Variants in EPHA6 observed in about 807,000 individuals in gnomAD.
EPHA6 encodes the protein ephrin type-A receptor 6.
EPHA6 carries 50 observed loss-of-function variants against 112.0 expected under a neutral mutation model. That is an observed-to-expected ratio of 0.45 (90% CI 0.36 to 0.56). EPHA6 has a LOEUF of 0.56. Among genes scored for constraint, EPHA6 ranks in the 20% least tolerant of loss-of-function variants. The pLI is 0.00. For synonymous variants in EPHA6, 529 were observed against 490.7 expected, an observed-to-expected ratio of 1.08 and a Z score of -1.03; for missense variants, 1,280 against 1,417.4, an observed-to-expected ratio of 0.90 and a Z score of 1.56.
At chr3:97,238,259 A>G (rs1163307995) in intron 4 of EPHA6, among the ~76,000 whole-genome samples, 1 of 151,940 alleles carries the variant, frequency 6.6e-6, no homozygotes, top group African/African-American at 2.4e-5. Flanking sequence ...ATCAGTGTTC[A>G]TAATATAAAC....
chr3:97,380,131 A>G (rs1418283307), intron 5 of EPHA6, among the ~76,000 whole-genome samples: 1 of 152,132 alleles, frequency 6.6e-6, no homozygotes, highest in Non-Finnish European at 1.5e-5. Flanking sequence ...GACCTTTAAT[A>G]CCTGATCTGT....
chr3:97,419,306 AAAACAAACAAAC>A (rs201122919), intron 6 of EPHA6, among the ~76,000 whole-genome samples: 5 of 151,458 alleles, frequency 3.3e-5, no homozygotes, highest in South Asian at 2.1e-4. Flanking sequence ...TCCATCACAA[AAAACAAACAAAC>A]AAACAAACAA....
At chr3:97,388,434 C>T (rs565694239) in intron 5 of EPHA6, among the ~76,000 whole-genome samples, 10 of 151,626 alleles carry the variant, frequency 6.6e-5, no homozygotes, top group Non-Finnish European at 8.8e-5. Context: ...AAATGGGACT[C>T]GAGGAGGGAG....
Position 97,532,591 on chromosome 3 carries a change from T to C in EPHA6, c.2386+48T>C, listed in dbSNP as rs199827214. The C allele has an allele frequency of 8.0e-5, 114 of 1,430,494 alleles. No individual in the cohort carries two copies. The African/African-American group carries it at 1.3e-3, about 16-fold the overall frequency. 88.6% of individuals were successfully genotyped at this position (1,430,494 alleles called of 1,614,324 possible). A position where few individuals can be genotyped will look rare whatever the true frequency, so the allele number is the denominator to read the frequency against. ...TACTTCTTTCACACACCTATCTCAGTTTTTTTTTAAGAAAAGGAAAAATCT... is the reference window on the plus strand; with the variant it reads ...TACTTCTTTCACACACCTATCTCAGCTTTTTTTTAAGAAAAGGAAAAATCT... On this transcript the variant is annotated intron_variant, in intron 11 of 17. Transcript: ENST00000389672.
Position 96,938,022 on chromosome 3 carries a change from A to C in EPHA6, c.451-49308A>C, listed in dbSNP as rs542065930. Among the ~76,000 whole-genome samples, 524 of 152,212 alleles carry C rather than the reference A, an allele frequency of 3.4e-3. 4 individuals carry two copies. Among genetic ancestry groups the C allele is most frequent in the African/African-American group, 0.012 (500 of 41,528 alleles). On this transcript the variant is annotated intron_variant, in intron 2 of 17. Coordinates refer to ENST00000389672, the MANE Select transcript of EPHA6 (RefSeq NM_001080448.3). ...TTTGGTTACTGTAGCCTTGTAGTAT[A>C]GTTTGAAGTCAGGTAGTGTGATGCC... is the stretch of plus-strand genomic sequence containing the variant.
intron 2 of EPHA6, among the ~76,000 whole-genome samples, chr3:96,889,530 C>T (rs1258357212): frequency 2.0e-5 from 3 of 152,212 alleles, no homozygotes; most frequent in East Asian, 1.9e-4. Flanking sequence ...ACCATCAAAT[C>T]TTGTGAGTCT....
chr3:97,513,557 G>A (rs550465168), intron 10 of EPHA6, among the ~76,000 whole-genome samples: 10 of 152,190 alleles, frequency 6.6e-5, no homozygotes, highest in African/African-American at 2.4e-4. Context: ...ACTATGTTAA[G>A]TGAAATAAGC....
intron 14 of EPHA6, among the ~76,000 whole-genome samples, chr3:97,666,376 T>C (rs572542386): frequency 2.0e-5 from 3 of 152,180 alleles, no homozygotes; most frequent in African/African-American, 4.8e-5. Context: ...CAGAATTTAT[T>C]GTCTCAAAGT....
At chr3:97,548,058 C>A (rs552957736) in intron 11 of EPHA6, among the ~76,000 whole-genome samples, 1 of 147,810 alleles carries the variant, frequency 6.8e-6, no homozygotes, top group Non-Finnish European at 1.5e-5. Context: ...ATGCACGGTG[C>A]GCTGTACCCA....
intron 7 of EPHA6, among the ~76,000 whole-genome samples, chr3:97,472,196 T>C (rs1166141831): frequency 6.6e-6 from 1 of 151,682 alleles, no homozygotes; most frequent in Non-Finnish European, 1.5e-5. Flanking sequence ...ATGGATATCA[T>C]AGTGAATATA....
intron 12 of EPHA6, among the ~76,000 whole-genome samples, chr3:97,596,472 A>C (rs2093591620): frequency 6.6e-6 from 1 of 152,066 alleles, no homozygotes; most frequent in Admixed American, 6.6e-5. Context: ...AAAATTCTAC[A>C]TTAATAGTGA....
At chr3:97,241,963 T>C (rs1391168962) in intron 4 of EPHA6, among the ~76,000 whole-genome samples, 3 of 151,626 alleles carry the variant, frequency 2.0e-5, no homozygotes, top group Non-Finnish European at 3.0e-5. Context: ...TGACAATGAA[T>C]CTTTATCTCC....
intron 3 of EPHA6, among the ~76,000 whole-genome samples, chr3:97,007,734 C>T (rs2043939423): frequency 6.6e-6 from 1 of 152,248 alleles, no homozygotes; most frequent in East Asian, 1.9e-4. Context: ...TTTGCAGTGG[C>T]AGGTACCAGT....
intron 5 of EPHA6, among the ~76,000 whole-genome samples, chr3:97,297,333 C>G (rs1042594266): frequency 3.1e-4 from 47 of 152,298 alleles, no homozygotes; most frequent in African/African-American, 1.1e-3. Context: ...CTATTTTAAG[C>G]ATGCTTACTT....
intron 14 of EPHA6, chr3:97,646,166 T>A: frequency 6.5e-7 from 1 of 1,535,494 alleles, no homozygotes. Flanking sequence ...TTAAAGAAGA[T>A]GGTCTGGAAA....
intron 5 of EPHA6, among the ~76,000 whole-genome samples, chr3:97,316,494 T>G (rs2081844367): frequency 6.6e-6 from 1 of 151,888 alleles, no homozygotes; most frequent in Non-Finnish European, 1.5e-5. Flanking sequence ...TTTTCTGAAG[T>G]GTCATGTGTT....
intron 6 of EPHA6, chr3:97,441,444 A>T: frequency 1.0e-6 from 1 of 980,440 alleles, no homozygotes; most frequent in Non-Finnish European, 1.2e-6. Context: ...GAAGAAGAAA[A>T]CGTCCTCAAC....
Position 96,995,064 on chromosome 3 carries a change from C to T in EPHA6, c.1114+7071C>T, listed in dbSNP as rs986508882. On this transcript the variant is annotated intron_variant, in intron 3 of 17. Coordinates refer to ENST00000389672, the MANE Select transcript of EPHA6 (RefSeq NM_001080448.3). ...TCTCGGACCATTGCATTATTGTTCA[C>T]GAAGGTAAATGGGATATACAGGGCC... Among the ~76,000 whole-genome samples the T allele has an allele frequency of 6.6e-5, 10 of 151,804 alleles. No individual in the cohort carries two copies. The South Asian group carries it at 1.0e-3, about 16-fold the overall frequency.
At chr3:97,548,935 C>G (rs2092994049) in intron 11 of EPHA6, among the ~76,000 whole-genome samples, 1 of 152,192 alleles carries the variant, frequency 6.6e-6, no homozygotes, top group South Asian at 2.1e-4. Flanking sequence ...CTGGAAAACT[C>G]CTATCACCCA....
Sources: gnomAD v4.1 joint callset for allele counts (sites outside exome capture counted in the v4.1 genomes callset) on GRCh38, gnomAD v4.1.1 for gene constraint, MANE v1.5 for transcripts, NCBI Gene and HGNC (gene_info 2026-07-23, HGNC 2026-07-21) for gene names.